CFAP54: variants seen among roughly 807,000 people sequenced by gnomAD.
The protein encoded by CFAP54 is cilia- and flagella-associated protein 54.
In CFAP54, 290 loss-of-function variants were observed where a neutral mutation model predicts 370.4. That is an observed-to-expected ratio of 0.78 (90% CI 0.71 to 0.86). The LOEUF (loss-of-function observed/expected upper bound fraction) is 0.86, where lower values mean the gene tolerates loss of function less well. Among genes scored for constraint, CFAP54 ranks in the 40% least tolerant of loss-of-function variants. CFAP54 has a pLI of 0.00. For synonymous variants in CFAP54, 1,206 were observed against 1,236.5 expected (o/e 0.98, Z 0.52); for missense variants, 3,399 against 3,528.7 (o/e 0.96, Z 0.93).
At chr12:96,800,053 G>A (rs931583419) in intron 63 of CFAP54, among the ~76,000 whole-genome samples, 1 of 152,060 alleles carries the variant, frequency 6.6e-6, no homozygotes, top group Non-Finnish European at 1.5e-5. Flanking sequence ...ATACATAGTC[G>A]GGAAACAGAA....
chr12:96,874,924 C>G (rs1960268965), intron 67 of CFAP54, among the ~76,000 whole-genome samples, 194 bp from the exon 68 acceptor site: 1 of 150,910 alleles, frequency 6.6e-6, no homozygotes, highest in Admixed American at 6.6e-5. Flanking sequence ...GCCGGGATCT[C>G]TGCTTTTTTA....
At chr12:96,830,219 A>G (rs1269120816) in intron 66 of CFAP54, among the ~76,000 whole-genome samples, 2 of 152,182 alleles carry the variant, frequency 1.3e-5, no homozygotes, top group African/African-American at 4.8e-5. Context: ...TCAAATCTTT[A>G]GCACAATTGC....
chr12:96,509,743 G>T (rs951631823), intron 4 of CFAP54, among the ~76,000 whole-genome samples: 1 of 151,498 alleles, frequency 6.6e-6, no homozygotes, highest in African/African-American at 2.4e-5. Context: ...TTGAATCTGG[G>T]AGGCGGAGGT....
chr12:96,516,987 T>C (rs1020791748), intron 5 of CFAP54, among the ~76,000 whole-genome samples: 1 of 151,698 alleles, frequency 6.6e-6, no homozygotes, highest in African/African-American at 2.4e-5. Context: ...ATGGATATCA[T>C]TTGACTTTTT....
chr12:96,781,613 G>A (rs1377908311), intron 60 of CFAP54, among the ~76,000 whole-genome samples: 2 of 152,048 alleles, frequency 1.3e-5, no homozygotes. Context: ...GGCCATAAAG[G>A]TGTGCAGGTA....
At chr12:96,835,889 C>T (rs890736010) in intron 66 of CFAP54, among the ~76,000 whole-genome samples, 1 of 152,010 alleles carries the variant, frequency 6.6e-6, no homozygotes, top group Admixed American at 6.6e-5. Flanking sequence ...CAGTGGTAGG[C>T]GATCTGGAGT....
chr12:96,490,300 C>T (rs547039537), intron 1 of CFAP54, among the ~76,000 whole-genome samples: 12 of 152,172 alleles, frequency 7.9e-5, no homozygotes, highest in Middle Eastern at 3.4e-3. Flanking sequence ...CAAACAGTTG[C>T]GCAGAATGAA....
At chr12:96,583,157 G>C (rs1002699177) in intron 22 of CFAP54, among the ~76,000 whole-genome samples, 4 of 152,080 alleles carry the variant, frequency 2.6e-5, no homozygotes, top group Admixed American at 2.6e-4. Flanking sequence ...TCTCTACTAG[G>C]CTTTCCCTAA....
At chr12:96,818,437 G>C (rs183661692) in intron 65 of CFAP54, among the ~76,000 whole-genome samples, 264 of 152,278 alleles carry the variant, frequency 1.7e-3, no homozygotes, top group Non-Finnish European at 3.0e-3. Context: ...GGAGATGGGG[G>C]TTTTCTGTCC....
intron 31 of CFAP54, 72 bp from the exon 32 acceptor site, chr12:96,630,479 G>A (rs1296535022): frequency 2.6e-6 from 2 of 774,344 alleles, no homozygotes; most frequent in Non-Finnish European, 3.9e-6. Flanking sequence ...ATAAGCATTA[G>A]AGTATGAATA....
Position 96,598,776 on chromosome 12 carries a change from C to T in CFAP54, c.3639+9C>T, listed in dbSNP as rs1275229656. ...TTTTCTACATAACAAAGGTATTTATCTCATTCTTTATCTAGTATTATAATA... is the reference window on the plus strand; with the variant it reads ...TTTTCTACATAACAAAGGTATTTATTTCATTCTTTATCTAGTATTATAATA... On this transcript the variant is annotated intron_variant, in intron 26 of 67. Transcript: ENST00000524981. The T allele has an allele frequency of 1.7e-6, 1 of 586,926 alleles. No homozygotes were observed. The allele number at this position is 586,926 out of a possible 1,614,324, so 36.4% of individuals were successfully genotyped here. A position where few individuals can be genotyped will look rare whatever the true frequency, so the allele number is the denominator to read the frequency against.
At chr12:96,627,171 A>G (rs1956557616) in intron 30 of CFAP54, among the ~76,000 whole-genome samples, 1 of 152,192 alleles carries the variant, frequency 6.6e-6, no homozygotes, top group South Asian at 2.1e-4. Context: ...CTAGCTGGAA[A>G]CAGATTAAGT....
chr12:96,521,497 T>A (rs1955313521), intron 6 of CFAP54, among the ~76,000 whole-genome samples: 1 of 141,592 alleles, frequency 7.1e-6, no homozygotes, highest in Non-Finnish European at 1.5e-5. Context: ...GAAGAGCAAC[T>A]GAGGACGTGT....
At position 96,679,724 on chromosome 12, in the gene CFAP54, G is replaced by T; in HGVS notation, c.5688G>T (p.Leu1896Phe). The change falls in exon 40 of 68, where the codon TTG becomes TTT. Residue 1896 changes from leucine to phenylalanine, a missense_variant. Around this residue, in one of 3 missense-constraint regions of CFAP54, gnomAD observed 2,796 missense variants for 2,869.7 expected, o/e 0.97. Coordinates refer to ENST00000524981, the MANE Select transcript of CFAP54 (RefSeq NM_001306084.2). ...GATCAATCCGACACAGCAGAAAGTT[G>T]CTTTCATTATTTCTTGCACAGACAC... ...HNRSIRHSRK[L>F]LSLFLAQTQD... 1.2e-6 allele frequency: 2 copies of T among 1,613,002 alleles called. No individual in the cohort carries two copies. Among genetic ancestry groups the T allele is most frequent in the African/African-American group, 2.7e-5 (2 of 74,982 alleles).
intron 66 of CFAP54, among the ~76,000 whole-genome samples, chr12:96,851,148 A>G (rs1027568508): frequency 2.0e-5 from 3 of 152,138 alleles, no homozygotes; most frequent in African/African-American, 7.2e-5. Flanking sequence ...GGGAGAAGGT[A>G]TAACTCTGAC....
At chr12:96,580,177 C>T (rs1956018042) in intron 20 of CFAP54, among the ~76,000 whole-genome samples, 1 of 151,052 alleles carries the variant, frequency 6.6e-6, no homozygotes, top group Non-Finnish European at 1.5e-5. Context: ...TTTTTTTTTA[C>T]ATCAAGACAA....
intron 26 of CFAP54, among the ~76,000 whole-genome samples, chr12:96,615,366 A>G (rs982549228): frequency 1.3e-5 from 2 of 152,366 alleles, no homozygotes; most frequent in South Asian, 4.1e-4. Context: ...TTAATTCAAG[A>G]TGGATTAAAG....
chr12:96,596,567 AG>A (rs1420303297), intron 25 of CFAP54, among the ~76,000 whole-genome samples: 2 of 152,162 alleles, frequency 1.3e-5, no homozygotes, highest in Admixed American at 1.3e-4. Context: ...ATGTACAAAA[AG>A]TCCAGATTTA....
intron 8 of CFAP54, among the ~76,000 whole-genome samples, chr12:96,525,943 C>G (rs1195259823): frequency 6.6e-6 from 1 of 152,210 alleles, no homozygotes; most frequent in Non-Finnish European, 1.5e-5. Flanking sequence ...CCCGGCCTCC[C>G]AAAGTGCTGG....
Sources: gnomAD v4.1 joint callset for allele counts (sites outside exome capture counted in the v4.1 genomes callset) on GRCh38, gnomAD v4.1.1 for gene constraint, gnomAD v4.1.1 regional missense constraint, MANE v1.5 for transcripts, NCBI Gene and HGNC (gene_info 2026-07-23, HGNC 2026-07-21) for gene names.